Variants in FRMD3 observed in about 807,000 individuals in gnomAD.
FRMD3 encodes the protein FERM domain-containing protein 3.
A neutral mutation model predicts 70.2 loss-of-function variants in FRMD3; 33 were observed. The observed-to-expected ratio is 0.47, with a 90% CI of 0.36 to 0.63. The LOEUF is 0.63. Ranked by LOEUF, FRMD3 falls within the 20% of genes least tolerant of loss-of-function variation. The pLI, the probability that FRMD3 is intolerant of heterozygous loss-of-function variation, is 0.00. For missense variants in FRMD3, 632 were observed against 711.4 expected, an observed-to-expected ratio of 0.89 and a Z score of 1.27; for synonymous variants, 279 against 255.9, an observed-to-expected ratio of 1.09 and a Z score of -0.86.
At chr9:83,580,749 G>A in the FRMD3 span, among the ~76,000 whole-genome samples, 1 of 152,008 alleles carries the variant, frequency 6.6e-6, no homozygotes, top group African/African-American at 2.4e-5. Flanking sequence ...AATAACCAAG[G>A]GAAGAAATCT....
intron 2 of FRMD3, among the ~76,000 whole-genome samples, chr9:83,380,071 A>G (rs1044405524): frequency 1.3e-5 from 2 of 152,156 alleles, no homozygotes; most frequent in Non-Finnish European, 2.9e-5. Context: ...CAGACCTAAA[A>G]CAGCCTCCCT....
chr9:83,244,272 T>TAACA (rs1831980496), downstream of FRMD3, among the ~76,000 whole-genome samples: 1 of 152,192 alleles, frequency 6.6e-6, no homozygotes, highest in Non-Finnish European at 1.5e-5. Context: ...CCAGTGATGA[T>TAACA]AACATATTAA....
At position 83,321,671 on chromosome 9, in the gene FRMD3, A is replaced by T. The variant is rs12352605; in HGVS notation, c.597-7924T>A. Among the ~76,000 whole-genome samples, 1,130 of 152,304 alleles carry T rather than the reference A, an allele frequency of 7.4e-3. 16 individuals carry two copies. The highest frequency in any genetic ancestry group is 0.024 in the African/African-American group (1,001 of 41,562). ...ATTTTCTGTAGCTATTGGGTAGAAC[A>T]TTCTGTAAATGTCTAAGTCTACATG... On this transcript the variant is annotated intron_variant, in intron 6 of 13. Transcript: ENST00000304195.
At chr9:83,425,398 G>A (rs1391558257) in intron 1 of FRMD3, among the ~76,000 whole-genome samples, 1 of 152,100 alleles carries the variant, frequency 6.6e-6, no homozygotes, top group Non-Finnish European at 1.5e-5. Context: ...TGAGGTTGTG[G>A]GGAGAGGTGG....
chr9:83,272,930 G>GC (rs1398918803), intron 13 of FRMD3, among the ~76,000 whole-genome samples: 1 of 151,308 alleles, frequency 6.6e-6, no homozygotes, highest in Non-Finnish European at 1.5e-5. Context: ...GAAGTGAGGA[G>GC]CCCCTCCGCC....
chr9:83,558,233 G>T, the FRMD3 span, among the ~76,000 whole-genome samples: 2 of 151,792 alleles, frequency 1.3e-5, no homozygotes, highest in Non-Finnish European at 2.9e-5. Flanking sequence ...AAAATTTTTT[G>T]AATTTAAAAA....
intron 1 of FRMD3, among the ~76,000 whole-genome samples, chr9:83,450,887 G>A (rs1256941148): frequency 6.6e-6 from 1 of 152,190 alleles, no homozygotes; most frequent in Non-Finnish European, 1.5e-5. Flanking sequence ...CAAATTGGAG[G>A]AAGGGTGAGC....
chr9:83,357,241 ACATACAT>A (rs1407687662), intron 3 of FRMD3, among the ~76,000 whole-genome samples: 329 of 7,052 alleles, frequency 0.047, 51 homozygotes, highest in South Asian at 0.11. Flanking sequence ...TATATATAAT[ACATACAT>A]ATATATATAT....
At chr9:83,389,776 T>G in intron 1 of FRMD3, 68 bp from the exon 2 acceptor site, 1 of 1,051,760 alleles carries the variant, frequency 9.5e-7, no homozygotes, top group Non-Finnish European at 1.5e-6. Context: ...CAGGGAGCCT[T>G]GTTCACCACC....
intron 1 of FRMD3, among the ~76,000 whole-genome samples, chr9:83,452,582 C>T (rs1827696665): frequency 6.8e-6 from 1 of 148,132 alleles, no homozygotes; most frequent in African/African-American, 2.5e-5. Context: ...CCCGGGTTCA[C>T]GCCATTCTCC....
chr9:83,371,576 A>C (rs1824974124), intron 3 of FRMD3, among the ~76,000 whole-genome samples: 1 of 152,184 alleles, frequency 6.6e-6, no homozygotes, highest in African/African-American at 2.4e-5. Context: ...CACGCCTCCT[A>C]AAGTGCTGGG....
At chr9:83,328,898 T>C (rs1198867226) in intron 6 of FRMD3, among the ~76,000 whole-genome samples, 4 of 152,268 alleles carry the variant, frequency 2.6e-5, no homozygotes, top group African/African-American at 4.8e-5. Context: ...AAAGAATCTT[T>C]AGCTCTATGC....
chr9:83,352,003 C>T, intron 3 of FRMD3, among the ~76,000 whole-genome samples: 1 of 152,140 alleles, frequency 6.6e-6, no homozygotes, highest in East Asian at 1.9e-4. Flanking sequence ...ATATCCTGCC[C>T]ATCCCTCCAG....
rs1428277685 is a variant in FRMD3, at chr9:83,248,152, C to A, written c.1560G>T (p.Arg520=). 1.4e-5 allele frequency: 23 copies of A among 1,614,196 alleles called. No individual in the cohort carries two copies. Among genetic ancestry groups the A allele is most frequent in the Non-Finnish European group, 1.9e-5 (23 of 1,180,042 alleles). The change falls in exon 14 of 14, where the codon CGG becomes CGT. Residue 520 remains arginine, a synonymous_variant. Coordinates refer to ENST00000304195, the MANE Select transcript of FRMD3 (RefSeq NM_174938.6). The part of the protein sequence containing the change: ...WSYDILTGHI[R]VNPLVKSFSR... The stretch of plus-strand genomic sequence containing the variant: ...AAAAACTCTTGACCAGTGGGTTCAC[C>A]CGAATATGGCCAGTCAGAATGTCAT...
Position 83,246,431 on chromosome 9 carries a change from A to G in FRMD3, c.*1487T>C. ...TTAAATCCTTTCCATCATGGATTTA[A>G]TGGTATCAAGGAAGGTACTAGAGCA... is the stretch of plus-strand genomic sequence containing the variant. On this transcript the variant is annotated 3_prime_UTR_variant, in exon 14 of 14. Transcript: ENST00000304195. 3 of 984,470 alleles carry G rather than the reference A, an allele frequency of 3.0e-6. No individual in the cohort carries two copies. Among genetic ancestry groups the G allele is most frequent in the Non-Finnish European group, 3.6e-6 (3 of 829,200 alleles). The allele number at this position is 984,470 out of a possible 1,614,324, so 61.0% of individuals were successfully genotyped here. A position where few individuals can be genotyped will look rare whatever the true frequency, so the allele number is the denominator to read the frequency against.
chr9:83,350,624 A>C, intron 3 of FRMD3: 1 of 141,440 alleles, frequency 7.1e-6, no homozygotes, highest in Non-Finnish European at 8.6e-6. Context: ...ACTCCATCTC[A>C]AAAAAAAAAA....
chr9:83,562,563 C>T, the FRMD3 span, among the ~76,000 whole-genome samples: 79 of 152,300 alleles, frequency 5.2e-4, no homozygotes, highest in South Asian at 1.0e-3. Context: ...ATACGTTTCT[C>T]GGCCGGGCCA....
intron 6 of FRMD3, among the ~76,000 whole-genome samples, chr9:83,320,824 T>TTTG (rs533538787): frequency 6.6e-6 from 1 of 152,046 alleles, no homozygotes; most frequent in African/African-American, 2.4e-5. Context: ...GTTTTGTTGT[T>TTTG]TTGTTGTTGT....
At chr9:83,541,775 T>C (rs994703392), upstream of FRMD3, among the ~76,000 whole-genome samples, 1 of 152,170 alleles carries the variant, frequency 6.6e-6, no homozygotes, top group African/African-American at 2.4e-5. Flanking sequence ...GTGTGACTCA[T>C]AGGGATTTTG....
Sources: allele counts gnomAD v4.1 joint callset (sites outside exome capture counted in the v4.1 genomes callset), GRCh38; gene constraint gnomAD v4.1.1; transcripts MANE v1.5; gene names NCBI Gene and HGNC (gene_info 2026-07-23, HGNC 2026-07-21).